The following PPFIBP1 variants were observed in gnomAD, a reference collection of about 807,000 sequenced individuals.
The protein encoded by PPFIBP1 is PPFIB scaffold protein 1.
In PPFIBP1, 112 loss-of-function variants were observed where a neutral mutation model predicts 137.8. The ratio of observed to expected loss-of-function variants is 0.81; its 90% CI spans 0.70 to 0.95. The LOEUF is 0.95. Among genes scored for constraint, PPFIBP1 ranks in the 40% least tolerant of loss-of-function variants. PPFIBP1 has a pLI of 0.00. For missense variants in PPFIBP1, 1,083 were observed against 1,196.6 expected (o/e 0.91, Z 1.40); for synonymous variants, 378 against 417.3 (o/e 0.91, Z 1.15).
intron 2 of PPFIBP1, among the ~76,000 whole-genome samples, chr12:27,601,707 A>C (rs116947889): frequency 0.015 from 2,232 of 152,254 alleles, 17 homozygotes; most frequent in Non-Finnish European, 0.024. Flanking sequence ...TCATGAGTTG[A>C]CATAGTCCAC....
At chr12:27,659,435 A>C (rs888388174) in intron 10 of PPFIBP1, among the ~76,000 whole-genome samples, 1 of 126,210 alleles carries the variant, frequency 7.9e-6, no homozygotes, top group Non-Finnish European at 1.7e-5. Context: ...ACATAGTGAG[A>C]TCCTGTCTCT....
intron 2 of PPFIBP1, among the ~76,000 whole-genome samples, chr12:27,607,078 C>G (rs1427680696): frequency 6.6e-6 from 1 of 152,158 alleles, no homozygotes; most frequent in Non-Finnish European, 1.5e-5. Flanking sequence ...CCAGCAGACT[C>G]CACCCTGAAA....
Position 27,644,185 on chromosome 12 carries a change from C to T in PPFIBP1, c.271-1877C>T, listed in dbSNP as rs148066227. ...TCCACCTCCTGGGCTCAAGTGATCC[C>T]CCTCCCTCAGTCTCCAGAGTAACTA... On this transcript the variant is annotated intron_variant, in intron 4 of 29. Coordinates refer to ENST00000228425, the MANE Select transcript of PPFIBP1 (RefSeq NM_003622.4). Among the ~76,000 whole-genome samples the T allele has an allele frequency of 6.3e-3, 948 of 151,578 alleles. 13 individuals carry two copies. The highest frequency in any genetic ancestry group is 0.017 in the African/African-American group (721 of 41,280).
At chr12:27,684,845 A>G (rs144230455) in intron 24 of PPFIBP1, among the ~76,000 whole-genome samples, 27 of 152,258 alleles carry the variant, frequency 1.8e-4, no homozygotes, top group African/African-American at 6.3e-4. Flanking sequence ...AATTCTGTAT[A>G]CCTTTCACTC....
chr12:27,683,110 C>G (rs1454991362), intron 24 of PPFIBP1, among the ~76,000 whole-genome samples: 31 of 152,198 alleles, frequency 2.0e-4, no homozygotes. Context: ...GTCACCCAGG[C>G]TGGAGTGCAA....
chr12:27,529,963 C>A (rs1483393154), intron 1 of PPFIBP1, among the ~76,000 whole-genome samples: 1 of 152,190 alleles, frequency 6.6e-6, no homozygotes, highest in African/African-American at 2.4e-5. Context: ...TCTCTTCATC[C>A]ATAGTACTCT....
chr12:27,586,180 C>A (rs895402887), intron 2 of PPFIBP1, among the ~76,000 whole-genome samples: 3 of 152,186 alleles, frequency 2.0e-5, no homozygotes, highest in Non-Finnish European at 2.9e-5. Flanking sequence ...AGTTAAGTAA[C>A]TTCCCCAGGA....
chr12:27,613,897 T>G (rs1239747340), intron 2 of PPFIBP1, among the ~76,000 whole-genome samples: 2 of 152,116 alleles, frequency 1.3e-5, no homozygotes, highest in Non-Finnish European at 2.9e-5. Context: ...TTCCATCGTT[T>G]GGGAAGACAA....
chr12:27,530,811 C>G (rs576395014), intron 1 of PPFIBP1, among the ~76,000 whole-genome samples: 2 of 152,162 alleles, frequency 1.3e-5, no homozygotes, highest in East Asian at 1.9e-4. Context: ...GCCTGTTAAG[C>G]CTTTTGCTCT....
intron 1 of PPFIBP1, among the ~76,000 whole-genome samples, chr12:27,559,806 G>A (rs537090520): frequency 1.6e-4 from 24 of 152,272 alleles, no homozygotes; most frequent in African/African-American, 5.5e-4. Flanking sequence ...TACATACATA[G>A]CACCAATGTG....
intron 2 of PPFIBP1, among the ~76,000 whole-genome samples, chr12:27,620,021 A>G (rs141010974): frequency 0.011 from 1,634 of 152,216 alleles, 30 homozygotes; most frequent in African/African-American, 0.037. Flanking sequence ...TCACACATAC[A>G]TACATAGCTA....
chr12:27,532,723 T>C (rs551066322), intron 1 of PPFIBP1, among the ~76,000 whole-genome samples: 191 of 152,132 alleles, frequency 1.3e-3, no homozygotes, highest in African/African-American at 4.3e-3. Context: ...TACTTGGGTT[T>C]GGAGCAAAAT....
At chr12:27,595,892 T>C (rs1337730377) in intron 2 of PPFIBP1, among the ~76,000 whole-genome samples, 25,279 of 86,186 alleles carry the variant, frequency 0.29, 3,018 homozygotes, top group East Asian at 0.56. Flanking sequence ...ACAAAATATA[T>C]ATATATATAT....
intron 24 of PPFIBP1, among the ~76,000 whole-genome samples, chr12:27,684,951 A>T (rs1266945927): frequency 6.6e-6 from 1 of 152,066 alleles, no homozygotes; most frequent in Admixed American, 6.5e-5. Context: ...TAAACTGAAG[A>T]CTATTCACAT....
chr12:27,640,314 T>G (rs920294901), intron 4 of PPFIBP1, among the ~76,000 whole-genome samples: 5 of 152,208 alleles, frequency 3.3e-5, no homozygotes, highest in African/African-American at 9.6e-5. Flanking sequence ...TAGGGACTTT[T>G]TCTTGGTCTC....
intron 2 of PPFIBP1, among the ~76,000 whole-genome samples, chr12:27,600,784 A>G (rs1251754412): frequency 1.3e-5 from 2 of 152,214 alleles, no homozygotes; most frequent in Admixed American, 6.5e-5. Flanking sequence ...AGTACTTAAT[A>G]CTACTGAACT....
chr12:27,590,739 T>C (rs1423921926), intron 2 of PPFIBP1, among the ~76,000 whole-genome samples: 3 of 152,172 alleles, frequency 2.0e-5, no homozygotes, highest in Admixed American at 2.0e-4. Flanking sequence ...GGGAAATCCC[T>C]ATGGTTTTGT....
chr12:27,637,525 A>G (rs1479588018), intron 4 of PPFIBP1, among the ~76,000 whole-genome samples: 2 of 152,204 alleles, frequency 1.3e-5, no homozygotes, highest in Non-Finnish European at 2.9e-5. Flanking sequence ...AGAGATAAGG[A>G]ATTTTTGTTG....
chr12:27,633,756 C>T (rs371192543), intron 3 of PPFIBP1, among the ~76,000 whole-genome samples: 2 of 151,810 alleles, frequency 1.3e-5, no homozygotes, highest in Admixed American at 6.6e-5. Flanking sequence ...TTGAGGGACA[C>T]TTCTCTACCC....
Sources: allele counts gnomAD v4.1 joint callset (sites outside exome capture counted in the v4.1 genomes callset), GRCh38; gene constraint gnomAD v4.1.1; transcripts MANE v1.5; gene names NCBI Gene and HGNC (gene_info 2026-07-23, HGNC 2026-07-21).